HSPA9: variants seen among roughly 807,000 people sequenced by gnomAD.
HSPA9 encodes stress-70 protein, mitochondrial.
A neutral mutation model predicts 81.5 loss-of-function variants in HSPA9; 28 were observed. The observed-to-expected ratio is 0.34, with a 90% CI of 0.25 to 0.47. HSPA9 has a LOEUF of 0.47. Among genes scored for constraint, HSPA9 ranks in the 20% least tolerant of loss-of-function variants. HSPA9 has a pLI of 1.00. For missense variants in HSPA9, 678 were observed against 838.0 expected, an observed-to-expected ratio of 0.81 and a Z score of 2.36; for synonymous variants, 293 against 290.4, an observed-to-expected ratio of 1.01 and a Z score of -0.09.
rs939976449 is a variant in HSPA9 at position 138,561,661 on chromosome 5, T to C, written c.1101A>G (p.Gln367=). 6.2e-7 allele frequency: 1 copy of C among 1,614,076 alleles called. No homozygotes were observed. The highest frequency in any genetic ancestry group is 8.5e-7 in the Non-Finnish European group (1 of 1,180,036). The change falls in exon 10 of 17, where the codon CAA becomes CAG. Residue 367 remains glutamine (Q), a synonymous_variant. Coordinates refer to ENST00000297185, the MANE Select transcript of HSPA9 (RefSeq NM_004134.7). ...DLIRRTIAPC[Q]KAMQDAEVSK... is the part of the protein sequence containing the mutation. ...TGACTTCTGCATCTTGCATAGCTTT[T>C]TGGCATGGAGCGATAGTCCTTCTGA... is the stretch of plus-strand genomic sequence containing the variant.
chr5:138,561,413 T>G (rs1360579444), intron 10 of HSPA9, among the ~76,000 whole-genome samples, 167 bp downstream of exon 10: 1 of 152,154 alleles, frequency 6.6e-6, no homozygotes, highest in African/African-American at 2.4e-5. Context: ...CCAGCCTATT[T>G]TTCAATTTTA....
intron 4 of HSPA9, 64 bp downstream of exon 4, chr5:138,570,896 G>A (rs1189713393): frequency 7.3e-7 from 1 of 1,370,890 alleles, no homozygotes; most frequent in Non-Finnish European, 1.0e-6. Context: ...TCAACATGCT[G>A]AGGCTCTTCT....
rs1304060442 is a variant in HSPA9, at chr5:138,561,640, T to C, written c.1122A>G (p.Glu374=). The change falls in exon 10 of 17, where the codon GAA becomes GAG. Residue 374 remains glutamate (E), a synonymous_variant. Transcript: ENST00000297185. ...APCQKAMQDA[E]VSKSDIGEVI... Reference sequence around the variant, plus strand: ...CTTCTCCTATGTCACTCTTGCTGACTTCTGCATCTTGCATAGCTTTTTGGC... The same window carrying C: ...CTTCTCCTATGTCACTCTTGCTGACCTCTGCATCTTGCATAGCTTTTTGGC... 4 of 1,614,034 alleles carry C rather than the reference T, an allele frequency of 2.5e-6. No homozygotes were observed. Among genetic ancestry groups the C allele is most frequent in the Admixed American group, 1.7e-5 (1 of 59,992 alleles).
intron 10 of HSPA9, among the ~76,000 whole-genome samples, chr5:138,560,426 T>C (rs560080955): frequency 6.6e-6 from 1 of 152,350 alleles, no homozygotes; most frequent in African/African-American, 2.4e-5. Context: ...CATTCTCTTG[T>C]ATATTATCAA....
chr5:138,557,655 A>C (rs747993224), intron 13 of HSPA9, among the ~76,000 whole-genome samples, 159 bp from the exon 14 acceptor site: 2 of 152,238 alleles, frequency 1.3e-5, no homozygotes, highest in Non-Finnish European at 2.9e-5. Flanking sequence ...AATGAAACCA[A>C]GGACCCAATA....
Position 138,575,291 on chromosome 5 carries a change from C to G in HSPA9, c.28G>C (p.Ala10Pro). MISASRAAA[A>P]RLVGAAASRG... ...GAGGCTGCGGCGCCCACGAGACGGG[C>G]TGCTGCAGCTCGGCTGGCACTTATC... The change falls in exon 1 of 17, where the codon GCC (alanine) becomes CCC (proline). Residue 10 changes from alanine to proline, a missense_variant. Transcript: ENST00000297185. 1.2e-6 allele frequency: 2 copies of G among 1,612,144 alleles called. No homozygotes were observed. The highest frequency in any genetic ancestry group is 1.1e-5 in the South Asian group (1 of 90,838).
chr5:138,558,828 C>G, intron 11 of HSPA9, 171 bp from the exon 12 acceptor site: 1 of 607,614 alleles, frequency 1.6e-6, no homozygotes, highest in South Asian at 1.8e-5. Context: ...ATTAGTACAG[C>G]AAATGGGCAT....
At chr5:138,570,792 A>T (rs1750865645) in intron 4 of HSPA9, 168 bp downstream of exon 4, 1 of 689,428 alleles carries the variant, frequency 1.5e-6, no homozygotes, top group Non-Finnish European at 2.5e-6. Context: ...CCAAAAATGA[A>T]TTTTTTAAAG....
intron 1 of HSPA9, 102 bp downstream of exon 1, chr5:138,575,136 C>A (rs921937817): frequency 1.3e-6 from 1 of 778,566 alleles, no homozygotes; most frequent in Non-Finnish European, 2.2e-6. Flanking sequence ...CTGACCTATA[C>A]TGGAGAATTC....
At chr5:138,573,028 G>A (rs369253589) in intron 3 of HSPA9, among the ~76,000 whole-genome samples, 31 of 152,000 alleles carry the variant, frequency 2.0e-4, no homozygotes, top group African/African-American at 6.8e-4. Context: ...CCCGAGTAGC[G>A]GGGACTACAG....
At chr5:138,572,690 G>C (rs553658593) in intron 3 of HSPA9, among the ~76,000 whole-genome samples, 3 of 152,074 alleles carry the variant, frequency 2.0e-5, no homozygotes, top group African/African-American at 7.2e-5. Flanking sequence ...GAAATAACCT[G>C]AACTGTCTAT....
At chr5:138,570,710 C>G in intron 4 of HSPA9, 3 of 435,546 alleles carry the variant, frequency 6.9e-6, no homozygotes, top group Non-Finnish European at 1.3e-5. Flanking sequence ...GTCTTGAACT[C>G]CTGACTTCAG....
rs61755727 is a variant in HSPA9, at chr5:138,559,975, C to G, written c.1299G>C (p.Thr433=). 1.2e-6 allele frequency: 2 copies of G among 1,614,072 alleles called. No individual in the cohort carries two copies. The highest frequency in any genetic ancestry group is 1.7e-6 in the Non-Finnish European group (2 of 1,179,996). Residue 433 remains threonine, a synonymous_variant, in exon 11 of 17, where the codon ACG becomes ACC. Transcript: ENST00000297185. ...IQGGVLAGDV[T]DVLLLDVTPL... is the part of the protein sequence containing the mutation. ...GAGTGACATCAAGGAGCAGCACATC[C>G]GTGACATCGCCGGCCAACACACCTC...
Position 138,575,339 on chromosome 5 carries a change from C to G in HSPA9, c.-21G>C, listed in dbSNP as rs774847378. 6.2e-6 allele frequency: 10 copies of G among 1,601,464 alleles called. No individual in the cohort carries two copies. In the Admixed American group the frequency reaches 1.3e-4, roughly 21 times the overall value. The stretch of plus-strand genomic sequence containing the variant: ...ATCATGGCGGATAAATGGAGGAGTA[C>G]GAGGCAGCAAACAAGCGCTCCGACG... On this transcript the variant is annotated 5_prime_UTR_variant, in exon 1 of 17. Coordinates refer to ENST00000297185, the MANE Select transcript of HSPA9 (RefSeq NM_004134.7).
At position 138,575,380 on chromosome 5, in the gene HSPA9, A is replaced by T. The variant is rs575452545; in HGVS notation, c.-62T>A. 4 of 1,400,936 alleles carry T rather than the reference A, an allele frequency of 2.9e-6. No individual in the cohort carries two copies. In the South Asian group the frequency reaches 4.7e-5, roughly 17 times the overall value. 86.8% of individuals were successfully genotyped at this position (1,400,936 alleles called of 1,614,324 possible). On this transcript the variant is annotated 5_prime_UTR_variant, in exon 1 of 17. Transcript: ENST00000297185. ...CGCTCCGACGGCAAAGAGCTGCGCG[A>T]TGCGGTGGCGGCAGCGCTTCTGGAA...
Position 138,555,786 on chromosome 5 carries a change from AC to A in HSPA9, c.*250del. On this transcript the variant is annotated 3_prime_UTR_variant, in exon 17 of 17. Coordinates refer to ENST00000297185, the MANE Select transcript of HSPA9 (RefSeq NM_004134.7). ...ATCTTTATAATGATCAATTCATCCT[AC>A]CTCCTTTTACATGCAGCTGAAAAAT... is the stretch of plus-strand genomic sequence containing the variant. The A allele has an allele frequency of 1.8e-6, 1 of 545,064 alleles. No individual in the cohort carries two copies. Among genetic ancestry groups the A allele is most frequent in the South Asian group, 2.1e-5 (1 of 46,858 alleles). 33.8% of individuals were successfully genotyped at this position (545,064 alleles called of 1,614,324 possible). A position where few individuals can be genotyped will look rare whatever the true frequency, so the allele number is the denominator to read the frequency against.
rs1286573476 is a variant in HSPA9, at chr5:138,566,725, A to G, written c.880-7T>C. ...TAGTCAAATCAACCCCTGTCTATAA[A>G]GTGAAGACATTGAACACCAAACACC... is the stretch of plus-strand genomic sequence containing the variant. On this transcript the variant is annotated splice_region_variant and splice_polypyrimidine_tract_variant and intron_variant, in intron 8 of 16. Transcript: ENST00000297185. The G allele has an allele frequency of 6.2e-7, 1 of 1,606,090 alleles. No homozygotes were observed. Among genetic ancestry groups the G allele is most frequent in the Admixed American group, 1.7e-5 (1 of 59,978 alleles).
rs1485537957 is a variant in HSPA9, at chr5:138,553,868, T to G, written c.*2169A>C. On this transcript the variant is annotated 3_prime_UTR_variant, in exon 17 of 17. Transcript: ENST00000297185. Reference sequence around the variant, plus strand: ...AGATTAGTATTGAATTGGAGATTGCTCTGCTTTGATGTGAGTGGACATCAT... The same window carrying G: ...AGATTAGTATTGAATTGGAGATTGCGCTGCTTTGATGTGAGTGGACATCAT... 6.6e-6 allele frequency among the ~76,000 whole-genome samples: 1 copy of G among 152,186 alleles called. No homozygotes were observed. The highest frequency in any genetic ancestry group is 2.4e-5 in the African/African-American group (1 of 41,426).
intron 14 of HSPA9, 132 bp downstream of exon 14, chr5:138,557,270 C>T (rs765436266): frequency 7.4e-5 from 54 of 730,668 alleles, no homozygotes; most frequent in Non-Finnish European, 1.2e-4. Context: ...CGGCTTCAAA[C>T]GATCTGCCCA....
Sources: allele counts gnomAD v4.1 joint callset (sites outside exome capture counted in the v4.1 genomes callset), GRCh38; gene constraint gnomAD v4.1.1; transcripts MANE v1.5; gene names NCBI Gene and HGNC (gene_info 2026-07-23, HGNC 2026-07-21).